The following SORBS2 variants were observed in gnomAD, a reference collection of about 807,000 sequenced individuals.
The protein encoded by SORBS2 is sorbin and SH3 domain-containing protein 2.
In SORBS2, 46 loss-of-function variants were observed where a neutral mutation model predicts 97.7. That is an observed-to-expected ratio of 0.47 (90% CI 0.37 to 0.60). The LOEUF (loss-of-function observed/expected upper bound fraction) is 0.60. Among genes scored for constraint, SORBS2 ranks in the 20% least tolerant of loss-of-function variants. The pLI, the probability that SORBS2 is intolerant of heterozygous loss-of-function variation, is 0.00. For synonymous variants in SORBS2, 476 were observed against 473.4 expected (o/e 1.01, Z -0.07); for missense variants, 1,316 against 1,282.3 (o/e 1.03, Z -0.40).
chr4:185,886,478 C>G (rs1023379312), intron 1 of SORBS2, among the ~76,000 whole-genome samples: 1 of 141,300 alleles, frequency 7.1e-6, no homozygotes, highest in Non-Finnish European at 1.5e-5. Flanking sequence ...TTGCTTGAAC[C>G]TGGGAGGCGG....
chr4:185,719,207 G>T (rs1056474853), intron 2 of SORBS2, among the ~76,000 whole-genome samples: 2 of 152,096 alleles, frequency 1.3e-5, no homozygotes, highest in Non-Finnish European at 2.9e-5. Context: ...AAAGAGAAAA[G>T]AAAAATTTAG....
intron 5 of SORBS2, among the ~76,000 whole-genome samples, chr4:185,627,512 C>T (rs1473282010): frequency 6.6e-6 from 1 of 152,110 alleles, no homozygotes; most frequent in Non-Finnish European, 1.5e-5. Flanking sequence ...ACCACTGTGC[C>T]CGGACAACTA....
At chr4:185,658,717 A>G (rs1453611320), upstream of SORBS2, among the ~76,000 whole-genome samples, 1 of 121,874 alleles carries the variant, frequency 8.2e-6, no homozygotes, top group Non-Finnish European at 1.6e-5. Context: ...TTTGAGATGG[A>G]GTCTCGCTCT....
chr4:185,935,923 C>T (rs2099268718), intron 1 of SORBS2, among the ~76,000 whole-genome samples: 1 of 152,202 alleles, frequency 6.6e-6, no homozygotes, highest in Non-Finnish European at 1.5e-5. Flanking sequence ...ATGATCTCGG[C>T]TCACTGCAGC....
intron 6 of SORBS2, among the ~76,000 whole-genome samples, chr4:185,626,177 G>A (rs922534883): frequency 3.0e-4 from 45 of 152,102 alleles, no homozygotes; most frequent in Admixed American, 2.4e-3. Context: ...GAGAGGAGAC[G>A]GGCCATCCAG....
At chr4:185,672,806 T>C (rs1561834694) in intron 4 of SORBS2, among the ~76,000 whole-genome samples, 1 of 152,334 alleles carries the variant, frequency 6.6e-6, no homozygotes, top group East Asian at 1.9e-4. Context: ...TTTGGCTGAC[T>C]CACAGGGTAT....
At position 185,844,027 on chromosome 4, in the gene SORBS2, T is replaced by A. The variant is rs116465425; in HGVS notation, c.-337-68661A>T. Among the ~76,000 whole-genome samples the A allele has an allele frequency of 5.0e-3, 759 of 152,222 alleles. 3 individuals are homozygous for A. The highest frequency in any genetic ancestry group is 0.017 in the African/African-American group (692 of 41,530). On this transcript the variant is annotated intron_variant, in intron 1 of 20. Coordinates refer to the SORBS2 transcript ENST00000284776. ...CTCTATGAGTATATGAGATAACACA[T>A]CCCTTCCTTGGAGGAAGGCAGTTCA...
intron 1 of SORBS2, among the ~76,000 whole-genome samples, chr4:185,946,267 C>T (rs989732346): frequency 1.3e-5 from 2 of 152,130 alleles, no homozygotes; most frequent in African/African-American, 4.8e-5. Context: ...CGAAAGTCAA[C>T]TCTGGCAAGT....
chr4:185,810,356 G>C (rs1156770230), intron 1 of SORBS2, among the ~76,000 whole-genome samples: 3 of 152,160 alleles, frequency 2.0e-5, no homozygotes, highest in Non-Finnish European at 2.9e-5. Flanking sequence ...ATATCTATCA[G>C]TGAAAATTAT....
chr4:185,896,296 C>T (rs185748323), intron 1 of SORBS2, among the ~76,000 whole-genome samples: 1 of 152,288 alleles, frequency 6.6e-6, no homozygotes, highest in Non-Finnish European at 1.5e-5. Flanking sequence ...AGGATTTAGA[C>T]ATGTTGGCCA....
intron 4 of SORBS2, among the ~76,000 whole-genome samples, chr4:185,636,643 T>A (rs928008594): frequency 1.3e-5 from 2 of 150,256 alleles, no homozygotes; most frequent in African/African-American, 4.9e-5. Flanking sequence ...AACCTCCAGT[T>A]GACTATTTTT....
At chr4:185,801,602 C>T (rs1218571113) in intron 1 of SORBS2, among the ~76,000 whole-genome samples, 12 of 152,044 alleles carry the variant, frequency 7.9e-5, no homozygotes, top group African/African-American at 2.9e-4. Flanking sequence ...CGTCTGTTTG[C>T]CATTTGTATG....
intron 1 of SORBS2, among the ~76,000 whole-genome samples, chr4:185,868,147 C>CTTTTTTT (rs372271322): frequency 2.2e-5 from 2 of 89,766 alleles, no homozygotes; most frequent in East Asian, 3.2e-4. Context: ...CTTTTCTTTT[C>CTTTTTTT]TTTTTTTCTT....
chr4:185,929,747 G>A (rs2099265542), intron 1 of SORBS2, among the ~76,000 whole-genome samples: 1 of 152,098 alleles, frequency 6.6e-6, no homozygotes, highest in African/African-American at 2.4e-5. Flanking sequence ...TGTTGGCCAG[G>A]ATGGTCTCGA....
intron 1 of SORBS2, among the ~76,000 whole-genome samples, chr4:185,846,884 T>C (rs1277175702): frequency 1.3e-5 from 2 of 152,140 alleles, no homozygotes; most frequent in Non-Finnish European, 2.9e-5. Flanking sequence ...ATTTTATTTA[T>C]GATATTTAAA....
At chr4:185,721,979 A>G (rs1414190792) in intron 2 of SORBS2, among the ~76,000 whole-genome samples, 1 of 152,238 alleles carries the variant, frequency 6.6e-6, no homozygotes, top group African/African-American at 2.4e-5. Flanking sequence ...AAGGAAGAAA[A>G]AAAATGAGAA....
intron 1 of SORBS2, among the ~76,000 whole-genome samples, chr4:185,654,333 A>G (rs2097361642): frequency 6.6e-6 from 1 of 152,108 alleles, no homozygotes; most frequent in Non-Finnish European, 1.5e-5. Context: ...CTTTCATTAA[A>G]CCTCATTTCT....
intron 1 of SORBS2, among the ~76,000 whole-genome samples, chr4:185,919,973 C>G (rs2099260213): frequency 6.6e-6 from 1 of 152,240 alleles, no homozygotes; most frequent in Non-Finnish European, 1.5e-5. Flanking sequence ...AGTATGCCAT[C>G]TTTCTTATTA....
chr4:185,708,424 T>A (rs2098379026), intron 2 of SORBS2, among the ~76,000 whole-genome samples: 1 of 152,230 alleles, frequency 6.6e-6, no homozygotes, highest in Admixed American at 6.5e-5. Context: ...CCTTTGTGTC[T>A]TCATTAATTT....
Sources: allele counts gnomAD v4.1 joint callset (sites outside exome capture counted in the v4.1 genomes callset), GRCh38; gene constraint gnomAD v4.1.1; transcripts MANE v1.5; gene names NCBI Gene and HGNC (gene_info 2026-07-23, HGNC 2026-07-21).